FANCB: variants seen among roughly 807,000 people sequenced by gnomAD.
The protein encoded by FANCB is FA complementation group B.
A neutral mutation model predicts 38.9 loss-of-function variants in FANCB; 5 were observed. The ratio of observed to expected loss-of-function variants is 0.13; its 90% CI spans 0.07 to 0.27. The LOEUF is 0.27. FANCB is among the 10% of genes least tolerant of loss of function. FANCB has a pLI of 1.00. For synonymous variants in FANCB, 236 were observed against 215.4 expected (o/e 1.10, Z -0.84); for missense variants, 573 against 602.7 (o/e 0.95, Z 0.52).
chrX:14,757,509 CTG>C, the FANCB span, among the ~76,000 whole-genome samples: 7 of 112,040 alleles, frequency 6.2e-5, no homozygotes, highest in East Asian at 5.6e-4. Context: ...AGCCAAAAAA[CTG>C]TGAGTGCTCT....
At position 14,844,615 on chromosome X, in the gene FANCB, T is replaced by C. The variant is rs764091042; in HGVS notation, c.2053A>G (p.Ile685Val). Residue 685 changes from isoleucine to valine, a missense_variant, in exon 9 of 10, where the codon ATC becomes GTC. Physicochemically the swap from Ile to Val is conservative, Grantham distance 29 (BLOSUM62 3). Coordinates refer to ENST00000650831, the MANE Select transcript of FANCB (RefSeq NM_001018113.3). ...AAGTACACTTCTGGAAATTCTTTGA[T>C]TATTTCACATTTCATATGTTCTAAG... The part of the protein sequence containing the change: ...WLLEHMKCEI[I>V]KEFPEVYFCE... 8.3e-6 allele frequency: 10 copies of C among 1,206,332 alleles called. No individual in the cohort carries two copies. Among genetic ancestry groups the C allele is most frequent in the Non-Finnish European group, 1.1e-6 (1 of 891,770 alleles).
At chrX:14,830,462 T>C in the FANCB span, among the ~76,000 whole-genome samples, 2 of 111,873 alleles carry the variant, frequency 1.8e-5, no homozygotes, top group Non-Finnish European at 1.9e-5. Context: ...TTTGTGTACA[T>C]GTACATACAC....
At chrX:14,837,508 G>A (rs1251323414) in intron 10 of FANCB, among the ~76,000 whole-genome samples, 3 of 112,339 alleles carry the variant, frequency 2.7e-5, no homozygotes, top group African/African-American at 9.7e-5. Flanking sequence ...GACATAATTG[G>A]AGGGAAGTAG....
chrX:14,865,738 A>T (rs1163885665), intron 2 of FANCB, among the ~76,000 whole-genome samples, 158 bp from the exon 3 acceptor site: 1 of 112,277 alleles, frequency 8.9e-6, no homozygotes, highest in Admixed American at 9.4e-5. Context: ...TATAAAAAAA[A>T]TTCTAAATAT....
the FANCB span, among the ~76,000 whole-genome samples, chrX:14,826,100 T>C: frequency 8.9e-6 from 1 of 112,423 alleles, no homozygotes; most frequent in South Asian, 3.6e-4. Context: ...GGCAGCACTG[T>C]ACAATTTAAA....
chrX:14,787,381 G>T, the FANCB span, among the ~76,000 whole-genome samples: 1 of 109,891 alleles, frequency 9.1e-6, no homozygotes, highest in Admixed American at 9.8e-5. Context: ...TGAGGGTGGG[G>T]GTGTGGAAAA....
chrX:14,717,685 A>C, the FANCB span, among the ~76,000 whole-genome samples: 1 of 108,873 alleles, frequency 9.2e-6, no homozygotes, highest in African/African-American at 3.3e-5. Context: ...TATGGAGTAC[A>C]TCATGAATTA....
the FANCB span, chrX:14,690,783 A>T: frequency 8.3e-7 from 1 of 1,201,344 alleles, no homozygotes; most frequent in East Asian, 3.0e-5. Context: ...TTACTGGAAT[A>T]CGCAGCGGTG....
chrX:14,781,202 G>T, the FANCB span, among the ~76,000 whole-genome samples: 1,201 of 106,526 alleles, frequency 0.011, 82 homozygotes, highest in African/African-American at 0.043. Flanking sequence ...GGCTCAGGTG[G>T]GCGGATCACT....
chrX:14,751,140 C>T, the FANCB span, among the ~76,000 whole-genome samples: 4 of 112,187 alleles, frequency 3.6e-5, no homozygotes, highest in Non-Finnish European at 5.6e-5. Flanking sequence ...CAGCAACTCA[C>T]TCCCAGGTAT....
chrX:14,832,258 G>T (rs904087344), downstream of FANCB, among the ~76,000 whole-genome samples: 1 of 111,326 alleles, frequency 9.0e-6, no homozygotes, highest in Non-Finnish European at 1.9e-5. Flanking sequence ...TGATTTGCAG[G>T]CAATATTTGG....
the FANCB span, among the ~76,000 whole-genome samples, chrX:14,760,439 G>A: frequency 9.0e-6 from 1 of 111,591 alleles, no homozygotes; most frequent in African/African-American, 3.3e-5. Context: ...AGGTCAACAG[G>A]TTCAAAGTCA....
the FANCB span, among the ~76,000 whole-genome samples, chrX:14,760,724 T>C: frequency 9.0e-6 from 1 of 111,482 alleles, no homozygotes; most frequent in East Asian, 2.8e-4. Context: ...ATCCCAGCAC[T>C]TTGGGAGGCC....
chrX:14,709,501 A>G, the FANCB span, among the ~76,000 whole-genome samples: 1 of 112,238 alleles, frequency 8.9e-6, no homozygotes, highest in Non-Finnish European at 1.9e-5. Flanking sequence ...ACTCTTGGAA[A>G]TGCACTACAG....
At chrX:14,844,015 A>G (rs752847575) in intron 9 of FANCB, 34 bp from the exon 10 acceptor site, 2 of 1,152,704 alleles carry the variant, frequency 1.7e-6, no homozygotes, top group East Asian at 3.0e-5. Flanking sequence ...TATTACAAAA[A>G]TTAGGACAGC....
In FANCB at chrX:14,844,045, T is replaced by C. The variant is rs140404015; in HGVS notation, c.2166-64A>G. ...GACAGCACAAAGCAGTCATGTACAA[T>C]ATACTGCAGTAATCAATTAATATTC... On this transcript the variant is annotated intron_variant, in intron 9 of 9. Coordinates refer to ENST00000650831, the MANE Select transcript of FANCB (RefSeq NM_001018113.3). 7.4e-4 allele frequency: 644 copies of C among 866,742 alleles called. 5 individuals carry two copies. In the African/African-American group the frequency reaches 0.011, roughly 15 times the overall value. The allele number at this position is 866,742 out of a possible 1,213,427, so 71.4% of individuals were successfully genotyped here. A position where few individuals can be genotyped will look rare whatever the true frequency, so the allele number is the denominator to read the frequency against.
At chrX:14,757,698 AG>A in the FANCB span, among the ~76,000 whole-genome samples, 1 of 112,013 alleles carries the variant, frequency 8.9e-6, no homozygotes, top group Admixed American at 9.4e-5. Context: ...CTCAGTCCCC[AG>A]GAAAGCCATT....
At chrX:14,855,534 C>T (rs1427713477) in intron 5 of FANCB, among the ~76,000 whole-genome samples, 2 of 111,770 alleles carry the variant, frequency 1.8e-5, no homozygotes, top group African/African-American at 6.5e-5. Context: ...GATAATTTTT[C>T]TCATATATTC....
At chrX:14,854,373 G>A (rs1002409963) in intron 5 of FANCB, among the ~76,000 whole-genome samples, 1 of 111,600 alleles carries the variant, frequency 9.0e-6, no homozygotes, top group Admixed American at 9.5e-5. Flanking sequence ...CCTTACTCCA[G>A]GACAATATAG....
Sources: gnomAD v4.1 joint callset for allele counts (sites outside exome capture counted in the v4.1 genomes callset) on GRCh38, gnomAD v4.1.1 for gene constraint, MANE v1.5 for transcripts, NCBI Gene and HGNC (gene_info 2026-07-23, HGNC 2026-07-21) for gene names.